SNTG2: variants seen among roughly 807,000 people sequenced by gnomAD.
SNTG2 encodes syntrophin gamma 2.
A neutral mutation model predicts 70.9 loss-of-function variants in SNTG2; 74 were observed. The observed-to-expected ratio is 1.04, with a 90% CI of 0.86 to 1.27. The LOEUF (loss-of-function observed/expected upper bound fraction) is 1.27, where lower values mean the gene tolerates loss of function less well. Ranked by LOEUF, SNTG2 falls within the 50% of genes most tolerant of loss-of-function variation. The pLI, the probability that SNTG2 is intolerant of heterozygous loss-of-function variation, is 0.00. For synonymous variants in SNTG2, 278 were observed against 273.8 expected (o/e 1.02, Z -0.15); for missense variants, 717 against 690.7 (o/e 1.04, Z -0.43).
intron 1 of SNTG2, among the ~76,000 whole-genome samples, chr2:1,052,144 T>A (rs972784325): frequency 6.6e-6 from 1 of 152,178 alleles, no homozygotes; most frequent in African/African-American, 2.4e-5. Context: ...AGGTTGGTTG[T>A]ATAAATGAGT....
intron 14 of SNTG2, among the ~76,000 whole-genome samples, chr2:1,281,666 C>T (rs569974869): frequency 6.6e-6 from 1 of 152,214 alleles, no homozygotes; most frequent in South Asian, 2.1e-4. Context: ...TGCTTTGCTG[C>T]CAGCCATGGC....
At chr2:1,322,649 C>G (rs1020467254) in intron 16 of SNTG2, among the ~76,000 whole-genome samples, 7 of 152,114 alleles carry the variant, frequency 4.6e-5, no homozygotes, top group African/African-American at 1.7e-4. Context: ...CTCTCTCTCT[C>G]TCCCCCTCCT....
chr2:1,125,675 A>G (rs1667653986), intron 4 of SNTG2, among the ~76,000 whole-genome samples: 1 of 152,200 alleles, frequency 6.6e-6, no homozygotes, highest in Admixed American at 6.5e-5. Context: ...CAGTAAATAC[A>G]TGTCAGCTGT....
chr2:1,056,875 C>CCGCTGTGGGGAGGGAGGGAGAGCGTCG (rs1662473946), intron 1 of SNTG2, among the ~76,000 whole-genome samples: 1 of 76,478 alleles, frequency 1.3e-5, no homozygotes, highest in Non-Finnish European at 2.4e-5. Context: ...GCACGGCGCC[C>CCGCTGTGGGGAGGGAGGGAGAGCGTCG]CGCTGTGCTG....
At chr2:1,053,421 C>T (rs1662186333) in intron 1 of SNTG2, among the ~76,000 whole-genome samples, 1 of 152,066 alleles carries the variant, frequency 6.6e-6, no homozygotes. Context: ...AATCTAGCTA[C>T]TCCAGGAGGA....
intron 16 of SNTG2, among the ~76,000 whole-genome samples, chr2:1,330,532 G>C (rs1189862037): frequency 6.6e-6 from 1 of 152,144 alleles, no homozygotes; most frequent in Non-Finnish European, 1.5e-5. Context: ...CGTTCACAAG[G>C]ATGTCTTGAG....
chr2:1,140,768 A>G (rs906334562), intron 6 of SNTG2, among the ~76,000 whole-genome samples: 3 of 152,240 alleles, frequency 2.0e-5, no homozygotes, highest in Non-Finnish European at 2.9e-5. Context: ...ATACTGTAAT[A>G]GAAAATCACT....
chr2:972,165 A>C (rs1660765607), intron 1 of SNTG2, among the ~76,000 whole-genome samples: 1 of 152,130 alleles, frequency 6.6e-6, no homozygotes, highest in East Asian at 1.9e-4. Flanking sequence ...TATTTGGTCA[A>C]ATACTAAGTT....
chr2:1,316,755 GGAGAAGGTTGGGATTCTGGAACATTT>G (rs1209038579), intron 16 of SNTG2, among the ~76,000 whole-genome samples: 1 of 129,936 alleles, frequency 7.7e-6, no homozygotes, highest in Non-Finnish European at 1.7e-5. Flanking sequence ...GGGCAGCATT[GGAGAAGGTTGGGATTCTGGAACATTT>G]AGCATCAGGT....
chr2:1,207,522 AGG>A (rs1373981172), intron 8 of SNTG2, among the ~76,000 whole-genome samples: 1 of 152,142 alleles, frequency 6.6e-6, no homozygotes, highest in African/African-American at 2.4e-5. Flanking sequence ...ACCTGCGTTG[AGG>A]GAGAGGCCTT....
chr2:1,180,417 A>G (rs868311353), intron 8 of SNTG2, among the ~76,000 whole-genome samples: 1,882 of 130,584 alleles, frequency 0.014, 60 homozygotes, highest in Middle Eastern at 0.026. Context: ...GGACATGAAC[A>G]GACACTTCTC....
rs530379068 is a variant in SNTG2 at position 1,014,923 on chromosome 2, C to G, written c.72+63855C>G. Among the ~76,000 whole-genome samples, 6 of 152,054 alleles carry G rather than the reference C, an allele frequency of 3.9e-5. No homozygotes were observed. The South Asian group carries it at 1.0e-3, about 26-fold the overall frequency. ...GGGAGTTGAGGAGATGGAGAACTGG[C>G]TAGAACCCGAGGGGCAGCCTTGAGG... On this transcript the variant is annotated intron_variant, in intron 1 of 16. Coordinates refer to ENST00000308624, the MANE Select transcript of SNTG2 (RefSeq NM_018968.4).
chr2:1,149,495 T>G (rs1017604321), intron 6 of SNTG2, among the ~76,000 whole-genome samples: 7 of 152,122 alleles, frequency 4.6e-5, no homozygotes, highest in Non-Finnish European at 8.8e-5. Flanking sequence ...ATGAGCATAT[T>G]ACAAAATTAC....
At chr2:1,259,873 C>T (rs62106571) in intron 13 of SNTG2, among the ~76,000 whole-genome samples, 14,093 of 152,272 alleles carry the variant, frequency 0.093, 721 homozygotes, top group South Asian at 0.15. Context: ...AAGGACTGAG[C>T]CTTCCTCCAG....
chr2:1,271,890 T>C (rs1254665623), intron 14 of SNTG2, among the ~76,000 whole-genome samples: 1 of 152,060 alleles, frequency 6.6e-6, no homozygotes, highest in African/African-American at 2.4e-5. Flanking sequence ...GGGAATGCCA[T>C]TGGCTGATTG....
At position 1,222,115 on chromosome 2, in the gene SNTG2, GTCTC is replaced by G. The variant is rs1172252280; in HGVS notation, c.719+12891_719+12894del. On this transcript the variant is annotated intron_variant, in intron 9 of 16. Transcript: ENST00000308624. ...TCTCTGTCTCTCTCTGTCTCTCTCTGTCTCTCTCTGTCTCTCTCTGTCTCTCTCT... is the reference window on the plus strand; with the variant it reads ...TCTCTGTCTCTCTCTGTCTCTCTCTGTCTCTGTCTCTCTCTGTCTCTCTCT... 4.8e-3 allele frequency among the ~76,000 whole-genome samples: 107 copies of G among 22,066 alleles called. 19 individuals carry two copies. The highest frequency in any genetic ancestry group is 6.3e-3 in the Admixed American group (14 of 2,220). The allele number at this position is 22,066 out of a possible 152,430, so 14.5% of individuals were successfully genotyped here. A position where few individuals can be genotyped will look rare whatever the true frequency, so the allele number is the denominator to read the frequency against.
chr2:1,363,579 A>T (rs1384388909), intron 16 of SNTG2, among the ~76,000 whole-genome samples: 2 of 152,200 alleles, frequency 1.3e-5, no homozygotes, highest in African/African-American at 4.8e-5. Context: ...CCCATGACCG[A>T]CATGTGAACA....
chr2:1,259,168 G>T (rs1210755139), intron 12 of SNTG2, among the ~76,000 whole-genome samples: 1 of 152,132 alleles, frequency 6.6e-6, no homozygotes, highest in Non-Finnish European at 1.5e-5. Context: ...TATTATATTT[G>T]CCACAAACTG....
At chr2:1,071,136 C>G (rs62105949) in intron 1 of SNTG2, among the ~76,000 whole-genome samples, 5,345 of 152,262 alleles carry the variant, frequency 0.035, 196 homozygotes, top group South Asian at 0.16. Flanking sequence ...ACCTTAAAAA[C>G]TAGAGAAGAT....
Sources: gnomAD v4.1 joint callset for allele counts (sites outside exome capture counted in the v4.1 genomes callset) on GRCh38, gnomAD v4.1.1 for gene constraint, MANE v1.5 for transcripts, NCBI Gene and HGNC (gene_info 2026-07-23, HGNC 2026-07-21) for gene names.